ZNF385B: variants seen among roughly 807,000 people sequenced by gnomAD.
The protein encoded by ZNF385B is zinc finger protein 385B.
A neutral mutation model predicts 39.2 loss-of-function variants in ZNF385B; 23 were observed. The ratio of observed to expected loss-of-function variants is 0.59; its 90% confidence interval spans 0.42 to 0.83. ZNF385B has a LOEUF of 0.83. ZNF385B is among the 40% of genes least tolerant of loss of function. The pLI, the probability that ZNF385B is intolerant of heterozygous loss-of-function variation, is 0.00. For missense variants in ZNF385B, 552 were observed against 598.9 expected (o/e 0.92, Z 0.82); for synonymous variants, 205 against 222.6 (o/e 0.92, Z 0.70).
At chr2:179,587,134 A>C (rs1186083953) in intron 3 of ZNF385B, among the ~76,000 whole-genome samples, 2 of 151,956 alleles carry the variant, frequency 1.3e-5, no homozygotes, top group African/African-American at 4.8e-5. Flanking sequence ...CTTACCAATT[A>C]GCACTTAGGT....
At chr2:179,851,000 T>C (rs2105440991) in intron 1 of ZNF385B, among the ~76,000 whole-genome samples, 1 of 152,334 alleles carries the variant, frequency 6.6e-6, no homozygotes, top group South Asian at 2.1e-4. Context: ...ATTTGCCTCT[T>C]AAGAAGATCT....
intron 3 of ZNF385B, among the ~76,000 whole-genome samples, chr2:179,750,056 C>T (rs1228620955): frequency 6.6e-6 from 1 of 152,020 alleles, no homozygotes; most frequent in African/African-American, 2.4e-5. Context: ...TTGTATAATC[C>T]ACACCCTTGT....
intron 1 of ZNF385B, among the ~76,000 whole-genome samples, chr2:179,821,790 C>A (rs779435480): frequency 1.3e-5 from 2 of 151,870 alleles, no homozygotes; most frequent in Non-Finnish European, 2.9e-5. Flanking sequence ...CAGAAGTCCC[C>A]AAGGAAAACA....
At chr2:179,738,525 G>A (rs1701901173) in intron 3 of ZNF385B, among the ~76,000 whole-genome samples, 1 of 152,174 alleles carries the variant, frequency 6.6e-6, no homozygotes, top group African/African-American at 2.4e-5. Context: ...CATATGATGA[G>A]TTTACATTTT....
At chr2:179,488,740 G>A (rs1359894675) in intron 5 of ZNF385B, among the ~76,000 whole-genome samples, 2 of 152,064 alleles carry the variant, frequency 1.3e-5, no homozygotes, top group East Asian at 3.8e-4. Context: ...GTGTTAAGCA[G>A]TGTTATAAGG....
chr2:179,555,829 G>C (rs1258236221), intron 3 of ZNF385B, among the ~76,000 whole-genome samples: 3 of 149,062 alleles, frequency 2.0e-5, no homozygotes, highest in African/African-American at 7.6e-5. Context: ...TGGCAGTTAC[G>C]TGCCTGAATT....
chr2:179,664,916 T>C (rs1694955917), intron 3 of ZNF385B, among the ~76,000 whole-genome samples: 1 of 152,190 alleles, frequency 6.6e-6, no homozygotes, highest in South Asian at 2.1e-4. Context: ...TGCACTAAAT[T>C]ATAAAAACCC....
At chr2:179,851,579 T>C (rs1684161865) in intron 1 of ZNF385B, among the ~76,000 whole-genome samples, 1 of 152,202 alleles carries the variant, frequency 6.6e-6, no homozygotes, top group Non-Finnish European at 1.5e-5. Context: ...CTCCTCTCAA[T>C]CACTCTCTGA....
At chr2:179,458,240 T>C (rs1163308728) in intron 6 of ZNF385B, among the ~76,000 whole-genome samples, 1 of 152,190 alleles carries the variant, frequency 6.6e-6, no homozygotes, top group African/African-American at 2.4e-5. Flanking sequence ...GTCTTTCTCA[T>C]GCTGTTCTCG....
chr2:179,561,886 C>T (rs755093854), intron 3 of ZNF385B, among the ~76,000 whole-genome samples: 2 of 152,102 alleles, frequency 1.3e-5, no homozygotes, highest in African/African-American at 4.8e-5. Flanking sequence ...GAAATGGTGC[C>T]TATCATAAAA....
chr2:179,744,293 A>T (rs1702247509), intron 3 of ZNF385B, among the ~76,000 whole-genome samples: 1 of 150,448 alleles, frequency 6.6e-6, no homozygotes, highest in Non-Finnish European at 1.5e-5. Flanking sequence ...GGGTCTAATT[A>T]GGTTCTTCCC....
intron 1 of ZNF385B, among the ~76,000 whole-genome samples, chr2:179,844,992 T>C (rs574682531): frequency 2.6e-5 from 4 of 152,172 alleles, no homozygotes; most frequent in Non-Finnish European, 5.9e-5. Context: ...TCCATATACC[T>C]GGGATATTCT....
intron 5 of ZNF385B, among the ~76,000 whole-genome samples, chr2:179,511,891 A>G (rs1229232943): frequency 6.6e-6 from 1 of 152,214 alleles, no homozygotes; most frequent in Non-Finnish European, 1.5e-5. Flanking sequence ...AATAAAAAAT[A>G]TCAACAGATC....
In ZNF385B at chr2:179,640,147, G is replaced by C. The variant is rs1023087403; in HGVS notation, c.299-95178C>G. Among the ~76,000 whole-genome samples, 11 of 152,086 alleles carry C rather than the reference G, an allele frequency of 7.2e-5. No homozygotes were observed. The South Asian group carries it at 2.1e-3, about 29-fold the overall frequency. ...TGTTTAGTTTAAAGGAGATCACAAA[G>C]ACCTGACCATTAAATGTAGAGCGTA... On this transcript the variant is annotated intron_variant, in intron 3 of 9. Transcript: ENST00000410066.
chr2:179,646,142 T>G (rs998995466), intron 3 of ZNF385B, among the ~76,000 whole-genome samples: 1 of 152,146 alleles, frequency 6.6e-6, no homozygotes, highest in South Asian at 2.1e-4. Flanking sequence ...TGGCTGAGTG[T>G]GGTGGCTCAT....
intron 3 of ZNF385B, among the ~76,000 whole-genome samples, chr2:179,727,356 T>C (rs1454804245): frequency 6.6e-6 from 1 of 152,064 alleles, no homozygotes; most frequent in Non-Finnish European, 1.5e-5. Flanking sequence ...CCACAGAATT[T>C]TCAAAGGAGT....
At chr2:179,613,225 C>A (rs941467716) in intron 3 of ZNF385B, among the ~76,000 whole-genome samples, 1 of 152,152 alleles carries the variant, frequency 6.6e-6, no homozygotes, top group Non-Finnish European at 1.5e-5. Context: ...TGGTGTTCTA[C>A]CAACTGTGGC....
chr2:179,493,467 A>T (rs1410593717), intron 5 of ZNF385B, among the ~76,000 whole-genome samples: 6 of 145,104 alleles, frequency 4.1e-5, no homozygotes, highest in Non-Finnish European at 7.6e-5. Flanking sequence ...GTGTACATAT[A>T]TGCATGTGTA....
rs1238740794 is a variant in ZNF385B, at chr2:179,669,670, G to A, written c.298+99833C>T. ...GAATTTGAGTTTCTTAAACCAAGAA[G>A]CTTTCATTCACTGGTGATCATGAAA... On this transcript the variant is annotated intron_variant, in intron 3 of 9. Coordinates refer to ENST00000410066, the MANE Select transcript of ZNF385B (RefSeq NM_152520.6). Among the ~76,000 whole-genome samples the A allele has an allele frequency of 2.0e-5, 3 of 152,162 alleles. No homozygotes were observed. In the East Asian group the frequency reaches 5.8e-4, roughly 29 times the overall value.
Sources: allele counts gnomAD v4.1 joint callset (sites outside exome capture counted in the v4.1 genomes callset), GRCh38; gene constraint gnomAD v4.1.1; transcripts MANE v1.5; gene names NCBI Gene and HGNC (gene_info 2026-07-23, HGNC 2026-07-21).